Variants in TTN observed in about 807,000 individuals in gnomAD.
TTN encodes the protein titin.
TTN carries 1,525 observed loss-of-function variants against 3,223.0 expected under a neutral mutation model. The observed-to-expected ratio is 0.47, with a 90% CI of 0.45 to 0.49. TTN has a LOEUF of 0.49. Ranked by LOEUF, TTN falls within the 20% of genes least tolerant of loss-of-function variation. The pLI is 0.00. For synonymous variants in TTN, 14,094 were observed against 15,161.0 expected (o/e 0.93, Z 5.17); for missense variants, 40,786 against 43,424.0 (o/e 0.94, Z 5.40).
At chr2:178,749,231 G>T in intron 47 of TTN, 1 of 1,611,314 alleles carries the variant, frequency 6.2e-7, no homozygotes. Context: ...TTTCTTAATA[G>T]TGACATCACT....
rs768296194 is a variant in TTN at position 178,735,841 on chromosome 2, C to A, written c.14605G>T (p.Ala4869Ser). ...ATGTCTGCTCCAAACTTGTTGGAAG[C>A]CTTACAAGAATAAACTCCTCTATCT... ...IQDRGVYSCKASNKFGADICQ... is the reference protein window; with the variant it reads ...IQDRGVYSCKSSNKFGADICQ... Residue 4869 changes from alanine (A) to serine (S), a missense_variant, in exon 50 of 363, where the codon GCT becomes TCT. Coordinates refer to ENST00000589042, the MANE Select transcript of TTN (RefSeq NM_001267550.2). The A allele has an allele frequency of 1.9e-6, 3 of 1,613,656 alleles. No homozygotes were observed. The highest frequency in any genetic ancestry group is 1.7e-5 in the Admixed American group (1 of 59,984).
chr2:178,750,954 C>T (rs370557615), intron 47 of TTN: 1 of 1,612,764 alleles, frequency 6.2e-7, no homozygotes, highest in Non-Finnish European at 8.5e-7. Flanking sequence ...GGTAGACTTT[C>T]CTTTACCAGT....
rs763819065 is a variant in TTN at position 178,590,302 on chromosome 2, C to T, written c.61423G>A (p.Glu20475Lys). Residue 20475 changes from glutamate to lysine, a missense_variant, in exon 304 of 363, where the codon GAA (glutamate) becomes AAA (lysine). Transcript: ENST00000589042. ...CGACAAGTAACATCAAGTTCTACTT[C>T]TGGAGGATGAAGGATATCTTTTGCA... Reference protein sequence around the residue: ...VIAKDILHPPEVELDVTCRDV... With the variant: ...VIAKDILHPPKVELDVTCRDV... 3 of 1,571,096 alleles carry T rather than the reference C, an allele frequency of 1.9e-6. No individual in the cohort carries two copies. Among genetic ancestry groups the T allele is most frequent in the Non-Finnish European group, 2.6e-6 (3 of 1,159,278 alleles).
At chr2:178,639,516 G>A (rs1353423783) in intron 223 of TTN, among the ~76,000 whole-genome samples, 183 bp downstream of exon 223, 1 of 151,952 alleles carries the variant, frequency 6.6e-6, no homozygotes, top group African/African-American at 2.4e-5. Flanking sequence ...TTCACCCACT[G>A]GGCAAGAGAC....
rs1465241245 is a variant in TTN, at chr2:178,625,367, A to G, written c.44454T>C (p.His14818=). The change falls in exon 241 of 363, where the codon CAT becomes CAC. Residue 14818 remains histidine, a synonymous_variant. Transcript: ENST00000589042. ...KVVPRSEGKV[H]TLTLRDVKLE... is the part of the protein sequence containing the mutation. The stretch of plus-strand genomic sequence containing the variant: ...ACTTTACATCCCTCAGAGTAAGTGT[A>G]TGAACTTTTCCTTCTGAACGTGGGA... 6.3e-7 allele frequency: 1 copy of G among 1,588,650 alleles called. No individual in the cohort carries two copies. Among genetic ancestry groups the G allele is most frequent in the African/African-American group, 1.4e-5 (1 of 73,302 alleles).
In TTN at chr2:178,572,826, T is replaced by C; in HGVS notation, c.73306A>G (p.Lys24436Glu). The C allele has an allele frequency of 6.2e-7, 1 of 1,613,430 alleles. No homozygotes were observed. The highest frequency in any genetic ancestry group is 1.3e-5 in the African/African-American group (1 of 75,006). The change falls in exon 326 of 363, where the codon AAA (lysine) becomes GAA (glutamate). Residue 24436 changes from lysine to glutamate, a missense_variant. Lys to Glu is a moderately conservative substitution (Grantham distance 56). Coordinates refer to ENST00000589042, the MANE Select transcript of TTN (RefSeq NM_001267550.2). ...CAGCAGGCCCTTATAGTAACAACTT[T>C]GCGCAGGTCAGCATCCAGTTCAATT... ...PEIELDADLR[K>E]VVTIRACCTL...
At chr2:178,757,096 C>T (rs1176072668) in intron 45 of TTN, among the ~76,000 whole-genome samples, 1 of 10,510 alleles carries the variant, frequency 9.5e-5, no homozygotes, top group Non-Finnish European at 2.3e-4. Flanking sequence ...CTTTCTCTCT[C>T]TCCCTCTAGC....
chr2:178,698,096 C>G (rs1450727900), intron 112 of TTN, among the ~76,000 whole-genome samples: 1 of 152,144 alleles, frequency 6.6e-6, no homozygotes, highest in Non-Finnish European at 1.5e-5. Flanking sequence ...TTTGTGACAA[C>G]ATGGATAGAA....
At position 178,531,561 on chromosome 2, in the gene TTN, G is replaced by A; in HGVS notation, c.105054C>T (p.Asn35018=). ...DSGTYRAVCT[N]YKGEASDYAT... Reference sequence around the variant, plus strand: ...CATAGTCAGAAGCTTCGCCCTTGTAGTTGGTGCACACAGCACGGTAGGTTC... The same window carrying A: ...CATAGTCAGAAGCTTCGCCCTTGTAATTGGTGCACACAGCACGGTAGGTTC... Residue 35018 remains asparagine, a synonymous_variant, in exon 358 of 363, where the codon AAC becomes AAT. Coordinates refer to ENST00000589042, the MANE Select transcript of TTN (RefSeq NM_001267550.2). The A allele has an allele frequency of 6.2e-7, 1 of 1,613,986 alleles. No individual in the cohort carries two copies. Among genetic ancestry groups the A allele is most frequent in the Non-Finnish European group, 8.5e-7 (1 of 1,179,882 alleles).
At chr2:178,622,377 A>C (rs1021945293) in intron 243 of TTN, among the ~76,000 whole-genome samples, 2 of 151,946 alleles carry the variant, frequency 1.3e-5, no homozygotes, top group South Asian at 4.1e-4. Context: ...GTTGAAAGAA[A>C]TATAATTGCT....
intron 111 of TTN, among the ~76,000 whole-genome samples, chr2:178,700,408 T>C (rs1385460596): frequency 6.6e-6 from 1 of 152,222 alleles, no homozygotes; most frequent in Non-Finnish European, 1.5e-5. Flanking sequence ...GTGACTTAGC[T>C]ATAGAAAAAT....
Position 178,665,470 on chromosome 2 carries a change from T to C in TTN, c.35960-10A>G, listed in dbSNP as rs751187310. ...TTCATAGCTTCTGGTGCTTTGAAGATATTAGTATTATGGTTAGAGGTTAAA... is the reference window on the plus strand; with the variant it reads ...TTCATAGCTTCTGGTGCTTTGAAGACATTAGTATTATGGTTAGAGGTTAAA... On this transcript the variant is annotated splice_polypyrimidine_tract_variant and intron_variant, in intron 164 of 362. Transcript: ENST00000589042. 11 of 1,611,372 alleles carry C rather than the reference T, an allele frequency of 6.8e-6. No homozygotes were observed. In the South Asian group the frequency reaches 8.8e-5, roughly 13 times the overall value.
At position 178,715,454 on chromosome 2, in the gene TTN, G is replaced by A. The variant is rs1227678235; in HGVS notation, c.25921+39C>T. 5.7e-6 allele frequency: 9 copies of A among 1,575,148 alleles called. No individual in the cohort carries two copies. The South Asian group carries it at 9.4e-5, about 16-fold the overall frequency. ...AAGTTAAGAGGACAATTAAAGAGGAGGCTAATGTGAAAAACACACAGGTGG... is the reference window on the plus strand; with the variant it reads ...AAGTTAAGAGGACAATTAAAGAGGAAGCTAATGTGAAAAACACACAGGTGG... On this transcript the variant is annotated intron_variant, in intron 89 of 362. Coordinates refer to ENST00000589042, the MANE Select transcript of TTN (RefSeq NM_001267550.2).
In TTN at chr2:178,727,784, T is replaced by C; in HGVS notation, c.19794A>G (p.Lys6598=). ...DSTVEFKAIL[K]GTPPFKIKWF... ...ATTTTATTTTAAATGGTGGTGTTCC[T>C]TTTAGTATTGCCTTAAATTCCACTG... The change falls in exon 68 of 363, where the codon AAA becomes AAG. Residue 6598 remains lysine, a synonymous_variant. Transcript: ENST00000589042. 6.2e-7 allele frequency: 1 copy of C among 1,613,116 alleles called. No individual in the cohort carries two copies. The highest frequency in any genetic ancestry group is 8.5e-7 in the Non-Finnish European group (1 of 1,179,362).
At position 178,567,217 on chromosome 2, in the gene TTN, A is replaced by G. The variant is rs753927975; in HGVS notation, c.78915T>C (p.Ser26305=). The part of the protein sequence containing the change: ...QVTGVTSEKC[S]LTWSPPLQDG... ...CTTGAAGTGGTGGAGACCATGTTAA[A>G]GAGCATTTTTCAGAAGTGACTCCAG... Residue 26305 remains serine (S), a synonymous_variant, in exon 326 of 363, where the codon TCT becomes TCC. Transcript: ENST00000589042. The G allele has an allele frequency of 6.2e-7, 1 of 1,610,300 alleles. No homozygotes were observed. The highest frequency in any genetic ancestry group is 1.1e-5 in the South Asian group (1 of 90,672).
rs754292868 is a variant in TTN at position 178,595,770 on chromosome 2, T to C, written c.57584A>G (p.Asn19195Ser). The C allele has an allele frequency of 3.7e-6, 6 of 1,608,204 alleles. No homozygotes were observed. The highest frequency in any genetic ancestry group is 2.2e-5 in the East Asian group (1 of 44,446). The change falls in exon 295 of 363, where the codon AAC becomes AGC. Residue 19195 changes from asparagine (N) to serine (S), a missense_variant. Physicochemically the swap from Asn to Ser is conservative, Grantham distance 46. Transcript: ENST00000589042. ...GPVGTPFLAHNLTNESCKLTW... is the reference protein window; with the variant it reads ...GPVGTPFLAHSLTNESCKLTW... Reference sequence around the variant, plus strand: ...CAGTTTGCAGGACTCATTGGTTAGGTTGTGAGCTAGGAATGGTGTTCCAAC... The same window carrying C: ...CAGTTTGCAGGACTCATTGGTTAGGCTGTGAGCTAGGAATGGTGTTCCAAC...
At chr2:178,624,820 G>C in intron 241 of TTN, 89 bp from the exon 242 acceptor site, 1 of 1,458,036 alleles carries the variant, frequency 6.9e-7, no homozygotes, top group South Asian at 1.2e-5. Flanking sequence ...CATCTCCAGG[G>C]CTTTGTTCTG....
chr2:178,806,710 C>T (rs2094335620), intron 1 of TTN, among the ~76,000 whole-genome samples: 1 of 152,184 alleles, frequency 6.6e-6, no homozygotes, highest in East Asian at 1.9e-4. Flanking sequence ...ATAAACTCTC[C>T]TAAACTCTCC....
intron 146 of TTN, 162 bp downstream of exon 146, chr2:178,677,459 G>A: frequency 1.3e-6 from 1 of 750,154 alleles, no homozygotes; most frequent in Non-Finnish European, 2.0e-6. Flanking sequence ...ACACAAGGCA[G>A]ATACACAATA....
Sources: gnomAD v4.1 joint callset for allele counts (sites outside exome capture counted in the v4.1 genomes callset) on GRCh38, gnomAD v4.1.1 for gene constraint, MANE v1.5 for transcripts, NCBI Gene and HGNC (gene_info 2026-07-23, HGNC 2026-07-21) for gene names.